The following CAMTA1 variants were observed in gnomAD, a reference collection of about 807,000 sequenced individuals.
The protein encoded by CAMTA1 is calmodulin-binding transcription activator 1.
In CAMTA1, 27 loss-of-function variants were observed where a neutral mutation model predicts 170.9. The observed-to-expected ratio is 0.16, with a 90% CI of 0.12 to 0.22. CAMTA1 has a LOEUF of 0.22. CAMTA1 is among the 10% of genes least tolerant of loss of function. The pLI, the probability that CAMTA1 is intolerant of heterozygous loss-of-function variation, is 1.00. For missense variants in CAMTA1, 1,619 were observed against 2,217.2 expected (o/e 0.73, Z 5.42); for synonymous variants, 833 against 891.5 (o/e 0.93, Z 1.17).
At chr1:7,030,869 C>G (rs530609064) in intron 3 of CAMTA1, among the ~76,000 whole-genome samples, 1 of 150,920 alleles carries the variant, frequency 6.6e-6, no homozygotes, top group African/African-American at 2.4e-5. Flanking sequence ...GATCCTTGCT[C>G]TGTTGCCCAG....
chr1:7,124,194 G>A (rs1644802293), intron 4 of CAMTA1, among the ~76,000 whole-genome samples: 1 of 152,148 alleles, frequency 6.6e-6, no homozygotes, highest in African/African-American at 2.4e-5. Context: ...TTGGCAACAA[G>A]CTGTTCTGGC....
chr1:7,662,553 G>A (rs870284), intron 8 of CAMTA1, among the ~76,000 whole-genome samples: 46,016 of 151,840 alleles, frequency 0.3, 7,916 homozygotes, highest in Non-Finnish European at 0.39. Flanking sequence ...TGAAAATGGT[G>A]AAAATATCCA....
Position 7,673,644 on chromosome 1 carries a change from G to T in CAMTA1, c.2779+2607G>T, listed in dbSNP as rs919644874. 6.6e-6 allele frequency among the ~76,000 whole-genome samples: 1 copy of T among 152,174 alleles called. No individual in the cohort carries two copies. Among genetic ancestry groups the T allele is most frequent in the Non-Finnish European group, 1.5e-5 (1 of 68,030 alleles). On this transcript the variant is annotated intron_variant, in intron 10 of 22. Coordinates refer to ENST00000303635, the MANE Select transcript of CAMTA1 (RefSeq NM_015215.4). The surrounding 1 kb of genome is among the most constrained non-coding windows in gnomAD (Gnocchi z 4.6). ...GGACCAAGGGACCAGGAGCCACAAGGCTCAAGGCACACTGAGAGCTGGGAC... is the reference window on the plus strand; with the variant it reads ...GGACCAAGGGACCAGGAGCCACAAGTCTCAAGGCACACTGAGAGCTGGGAC...
chr1:7,398,977 T>C (rs1243037083), intron 5 of CAMTA1, among the ~76,000 whole-genome samples: 1 of 152,234 alleles, frequency 6.6e-6, no homozygotes, highest in Non-Finnish European at 1.5e-5. Context: ...TATCTTTTTA[T>C]ATTTTGTGTT....
chr1:6,968,009 A>G (rs886346670), intron 3 of CAMTA1, among the ~76,000 whole-genome samples: 3 of 152,216 alleles, frequency 2.0e-5, no homozygotes, highest in African/African-American at 7.2e-5. Flanking sequence ...CAAACTAGTA[A>G]TAATGCTTTA....
At chr1:6,955,343 C>G (rs1689270167) in intron 3 of CAMTA1, among the ~76,000 whole-genome samples, 1 of 152,162 alleles carries the variant, frequency 6.6e-6, no homozygotes. Flanking sequence ...AGGCATCTGA[C>G]CCTTAGGAAG....
intron 6 of CAMTA1, among the ~76,000 whole-genome samples, chr1:7,551,829 G>A (rs1307926866): frequency 2.0e-5 from 3 of 152,166 alleles, no homozygotes; most frequent in Non-Finnish European, 4.4e-5. Flanking sequence ...AGGGGTAGAA[G>A]GACACCTCTT....
chr1:7,758,786 T>G (rs1302973807), intron 22 of CAMTA1, among the ~76,000 whole-genome samples: 1 of 151,846 alleles, frequency 6.6e-6, no homozygotes, highest in African/African-American at 2.4e-5. Context: ...ATACAAAAAA[T>G]TAGCCGGTTG....
At chr1:6,859,931 A>C (rs983305166) in intron 3 of CAMTA1, among the ~76,000 whole-genome samples, 1 of 152,228 alleles carries the variant, frequency 6.6e-6, no homozygotes, top group African/African-American at 2.4e-5. Context: ...AACAGGTAGA[A>C]GACTCAGATC....
intron 3 of CAMTA1, among the ~76,000 whole-genome samples, chr1:6,842,456 T>C (rs1656219914): frequency 6.6e-6 from 1 of 152,236 alleles, no homozygotes; most frequent in South Asian, 2.1e-4. Flanking sequence ...ACCTGGGCCC[T>C]ACCACAAACT....
rs1553221048 is a variant in CAMTA1, at chr1:7,609,148, C to CTGCCGCCTGTGCCT, written c.511-31247_511-31234dup. Among the ~76,000 whole-genome samples the CTGCCGCCTGTGCCT allele has an allele frequency of 6.6e-6, 1 of 152,144 alleles. No homozygotes were observed. Among genetic ancestry groups the CTGCCGCCTGTGCCT allele is most frequent in the East Asian group, 1.9e-4 (1 of 5,146 alleles). On this transcript the variant is annotated intron_variant, in intron 6 of 22. Coordinates refer to ENST00000303635, the MANE Select transcript of CAMTA1 (RefSeq NM_015215.4). This position sits in a 1 kb window ranked among gnomAD's most constrained non-coding sequence, Gnocchi z 4.4. ...GCCCCTTCCCACTACCGGCCTAGCC[C>CTGCCGCCTGTGCCT]TGCCGCCTGTGCCTTGCCTCCTGGC...
chr1:6,807,133 T>C (rs1003619923), intron 1 of CAMTA1: 6 of 507,452 alleles, frequency 1.2e-5, no homozygotes, highest in Non-Finnish European at 1.8e-5. Flanking sequence ...TCTGCAAGGT[T>C]GGGGGAGGCT....
At position 7,715,432 on chromosome 1, in the gene CAMTA1, C is replaced by CTT. The variant is rs34965685; in HGVS notation, c.2915-17002_2915-17001dup. Among the ~76,000 whole-genome samples the CTT allele has an allele frequency of 1.7e-3, 242 of 142,268 alleles. 3 individuals are homozygous for CTT. The East Asian group carries it at 0.027, about 16-fold the overall frequency. 93.3% of individuals were successfully genotyped at this position (142,268 alleles called of 152,430 possible). On this transcript the variant is annotated intron_variant, in intron 11 of 22. Transcript: ENST00000303635. The stretch of plus-strand genomic sequence containing the variant: ...TCAAGCTGCATCCCATAGCCACACA[C>CTT]TTTTTTTTTTTTTTTCTTGAGGCAC...
At position 7,435,833 on chromosome 1, in the gene CAMTA1, C is replaced by G. The variant is rs1390166065; in HGVS notation, c.439-31997C>G. Among the ~76,000 whole-genome samples, 1 of 152,202 alleles carries G rather than the reference C, an allele frequency of 6.6e-6. No individual in the cohort carries two copies. Among genetic ancestry groups the G allele is most frequent in the Non-Finnish European group, 1.5e-5 (1 of 68,028 alleles). ...GGGAGCCACCCTCCCATTCCTGCAC[C>G]CTTGCCTTCTGGCAGGGCTTGCATG... is the stretch of plus-strand genomic sequence containing the variant. On this transcript the variant is annotated intron_variant, in intron 5 of 22. Transcript: ENST00000303635. This position sits in a 1 kb window ranked among gnomAD's most constrained non-coding sequence, Gnocchi z 4.4.
At chr1:7,295,158 G>C (rs548948075) in intron 5 of CAMTA1, among the ~76,000 whole-genome samples, 1 of 151,926 alleles carries the variant, frequency 6.6e-6, no homozygotes, top group Non-Finnish European at 1.5e-5. Context: ...GGTTTTTTTT[G>C]TTGTAAACAG....
intron 3 of CAMTA1, among the ~76,000 whole-genome samples, chr1:7,022,759 A>T (rs1701543181): frequency 6.6e-6 from 1 of 152,204 alleles, no homozygotes; most frequent in South Asian, 2.1e-4. Context: ...TGGGGGAAGG[A>T]GGAGCTCCAG....
chr1:7,362,887 T>C (rs1324262127), intron 5 of CAMTA1, among the ~76,000 whole-genome samples: 1 of 151,220 alleles, frequency 6.6e-6, no homozygotes, highest in Non-Finnish European at 1.5e-5. Context: ...AGGTGGTGGC[T>C]TTGGATAGAC....
chr1:7,438,204 G>T (rs1444901036), intron 5 of CAMTA1, among the ~76,000 whole-genome samples: 4 of 152,178 alleles, frequency 2.6e-5, no homozygotes, highest in African/African-American at 9.7e-5. Context: ...CCTCCAGGCA[G>T]CTGGGCAGGG....
chr1:7,499,338 A>G (rs1400105122), intron 6 of CAMTA1, among the ~76,000 whole-genome samples: 4 of 112,608 alleles, frequency 3.6e-5, no homozygotes, highest in African/African-American at 1.1e-4. Flanking sequence ...ACATGTGTGT[A>G]GAGAGGATTG....
Sources: gnomAD v4.1 joint callset for allele counts (sites outside exome capture counted in the v4.1 genomes callset) on GRCh38, gnomAD v4.1.1 for gene constraint, Gnocchi (gnomAD v3.1) non-coding constraint, MANE v1.5 for transcripts, NCBI Gene and HGNC (gene_info 2026-07-23, HGNC 2026-07-21) for gene names.